Variants in TEX50 observed in about 807,000 individuals in gnomAD.
TEX50 encodes testis-expressed protein 50.
Under a neutral mutation model 9.8 loss-of-function variants are expected in TEX50, and 3 were observed. That is an observed-to-expected ratio of 0.31 (90% confidence interval 0.14 to 0.79). The LOEUF is 0.79. Ranked by LOEUF, TEX50 falls within the 30% of genes least tolerant of loss-of-function variation. The pLI, the probability that TEX50 is intolerant of heterozygous loss-of-function variation, is 0.63. For synonymous variants in TEX50, 61 were observed against 72.1 expected, an observed-to-expected ratio of 0.85 and a Z score of 0.78; for missense variants, 164 against 199.3, an observed-to-expected ratio of 0.82 and a Z score of 1.07.
chr1:173,637,048 T>G lies in TEX50; in HGVS notation c.*12T>G. On this transcript the variant is annotated 3_prime_UTR_variant, in exon 2 of 2. Coordinates refer to ENST00000417563, the MANE Select transcript of TEX50 (RefSeq NM_001195190.3). ...CCAGAAGATACTAAATAAATGCATA[T>G]GCAAATGTAGCTTAGTCAATTATAG... 6.9e-7 allele frequency: 1 copy of G among 1,440,584 alleles called. No individual in the cohort carries two copies. Among genetic ancestry groups the G allele is most frequent in the South Asian group, 1.2e-5 (1 of 81,750 alleles). The allele number at this position is 1,440,584 out of a possible 1,614,324, so 89.2% of individuals were successfully genotyped here. A position where few individuals can be genotyped will look rare whatever the true frequency, so the allele number is the denominator to read the frequency against.
chr1:173,635,982 C>T (rs1355327185), intron 1 of TEX50, 137 bp downstream of exon 1: 2 of 656,766 alleles, frequency 3.0e-6, no homozygotes, highest in Non-Finnish European at 5.1e-6. Context: ...TCATTCCCAG[C>T]ATCTAGCACA....
At position 173,635,397 on chromosome 1, in the gene TEX50, A is replaced by G; in HGVS notation, c.-125A>G. The G allele has an allele frequency of 1.3e-6, 1 of 764,198 alleles. No individual in the cohort carries two copies. 47.3% of individuals were successfully genotyped at this position (764,198 alleles called of 1,614,324 possible). On this transcript the variant is annotated 5_prime_UTR_variant, in exon 1 of 2. Transcript: ENST00000417563. ...TTTTATTGAAGCACCATTTTAACTA[A>G]TAGCTCCTGGTATTTTCTGCTTCCC...
Position 173,635,423 on chromosome 1 carries a change from T to C in TEX50, c.-99T>C. ...TAGCTCCTGGTATTTTCTGCTTCCCTTCGTAGGGAATTTAGTTATTTTATT... is the reference window on the plus strand; with the variant it reads ...TAGCTCCTGGTATTTTCTGCTTCCCCTCGTAGGGAATTTAGTTATTTTATT... On this transcript the variant is annotated 5_prime_UTR_variant, in exon 1 of 2. Coordinates refer to ENST00000417563, the MANE Select transcript of TEX50 (RefSeq NM_001195190.3). 3.2e-6 allele frequency: 3 copies of C among 943,846 alleles called. No individual in the cohort carries two copies. Among genetic ancestry groups the C allele is most frequent in the Admixed American group, 2.9e-5 (1 of 34,248 alleles). 58.5% of individuals were successfully genotyped at this position (943,846 alleles called of 1,614,324 possible).
chr1:173,637,126 C>T lies in TEX50; in HGVS notation c.*90C>T. On this transcript the variant is annotated 3_prime_UTR_variant, in exon 2 of 2. Transcript: ENST00000417563. Reference sequence around the variant, plus strand: ...GGATTAAAAATTGTTCTTTGGAAACCTTTATAAACTTTTTGCCACAATCTT... The same window carrying T: ...GGATTAAAAATTGTTCTTTGGAAACTTTTATAAACTTTTTGCCACAATCTT... 3.1e-6 allele frequency: 3 copies of T among 979,288 alleles called. No homozygotes were observed. Among genetic ancestry groups the T allele is most frequent in the African/African-American group, 3.4e-5 (2 of 59,648 alleles). 60.7% of individuals were successfully genotyped at this position (979,288 alleles called of 1,614,324 possible). A position where few individuals can be genotyped will look rare whatever the true frequency, so the allele number is the denominator to read the frequency against.
Position 173,635,346 on chromosome 1 carries a change from C to A in TEX50, c.-176C>A. The stretch of plus-strand genomic sequence containing the variant: ...TGTATCCTTTGCTGGGCATATTTTG[C>A]TGACTGGCAAGGTTATATGAAGTGC... On this transcript the variant is annotated 5_prime_UTR_variant, in exon 1 of 2. It adds an upstream start codon to the 5' untranslated region. Coordinates refer to ENST00000417563, the MANE Select transcript of TEX50 (RefSeq NM_001195190.3). 1 of 569,486 alleles carries A rather than the reference C, an allele frequency of 1.8e-6. No homozygotes were observed. Among genetic ancestry groups the A allele is most frequent in the Middle Eastern group, 4.6e-4 (1 of 2,172 alleles). The allele number at this position is 569,486 out of a possible 1,614,324, so 35.3% of individuals were successfully genotyped here.
intron 1 of TEX50, among the ~76,000 whole-genome samples, chr1:173,636,342 C>G (rs1488135098): frequency 6.6e-6 from 1 of 152,144 alleles, no homozygotes; most frequent in African/African-American, 2.4e-5. Context: ...TAAACTATTA[C>G]ATAATTTCCC....
intron 1 of TEX50, among the ~76,000 whole-genome samples, chr1:173,636,207 AG>A (rs1481568271): frequency 3.3e-5 from 5 of 152,192 alleles, no homozygotes; most frequent in Non-Finnish European, 4.4e-5. Flanking sequence ...ATCTGTAACA[AG>A]AGATCTCTTA....
intron 1 of TEX50, 56 bp from the exon 2 acceptor site, chr1:173,636,771 G>A (rs537551564): frequency 2.5e-6 from 3 of 1,210,980 alleles, no homozygotes; most frequent in East Asian, 5.1e-5. Context: ...CTATACTATA[G>A]TATTGAACTC....
intron 1 of TEX50, among the ~76,000 whole-genome samples, chr1:173,636,265 T>C (rs1304194669): frequency 1.3e-5 from 2 of 152,172 alleles, no homozygotes; most frequent in African/African-American, 4.8e-5. Flanking sequence ...AAAGGTGTCA[T>C]GTAATTTTTA....
chr1:173,636,448 G>C (rs976153079), intron 1 of TEX50, among the ~76,000 whole-genome samples: 3 of 152,090 alleles, frequency 2.0e-5, no homozygotes. Flanking sequence ...AGAAGAATTA[G>C]ATATTTATAA....
chr1:173,635,551 T>C lies in TEX50; in HGVS notation c.30T>C (p.Phe10=), dbSNP rs1668392082. 6.5e-7 allele frequency: 1 copy of C among 1,532,524 alleles called. No homozygotes were observed. The highest frequency in any genetic ancestry group is 1.4e-5 in the African/African-American group (1 of 72,984). The allele number at this position is 1,532,524 out of a possible 1,614,324, so 94.9% of individuals were successfully genotyped here. The change falls in exon 1 of 2, where the codon TTT becomes TTC. Residue 10 remains phenylalanine, a synonymous_variant. Transcript: ENST00000417563. MSNQRLPLI[F]SLLFICFFGE... is the part of the protein sequence containing the mutation. ...CTAATCAAAGACTACCGCTGATTTT[T>C]TCTCTGTTGTTTATCTGCTTCTTCG...
intron 1 of TEX50, 82 bp downstream of exon 1, chr1:173,635,927 G>A: frequency 9.3e-7 from 1 of 1,080,230 alleles, no homozygotes; most frequent in Non-Finnish European, 1.3e-6. Flanking sequence ...TTGAGAGAGG[G>A]TACCGTGTTT....
chr1:173,635,925 G>C (rs1668418903), intron 1 of TEX50, 80 bp downstream of exon 1: 2 of 1,089,018 alleles, frequency 1.8e-6, no homozygotes, highest in African/African-American at 1.6e-5. Context: ...CTTTGAGAGA[G>C]GGTACCGTGT....
rs1668389073 is a variant in TEX50 at position 173,635,509 on chromosome 1, T to C, written c.-13T>C. ...TAAATTTTAGCTACTTTTTTTTCAATTGACAAAGAAGGATGTCTAATCAAA... is the reference window on the plus strand; with the variant it reads ...TAAATTTTAGCTACTTTTTTTTCAACTGACAAAGAAGGATGTCTAATCAAA... On this transcript the variant is annotated 5_prime_UTR_variant, in exon 1 of 2. Coordinates refer to ENST00000417563, the MANE Select transcript of TEX50 (RefSeq NM_001195190.3). 8 of 1,481,888 alleles carry C rather than the reference T, an allele frequency of 5.4e-6. No individual in the cohort carries two copies. In the East Asian group the frequency reaches 1.2e-4, roughly 23 times the overall value. 91.8% of individuals were successfully genotyped at this position (1,481,888 alleles called of 1,614,324 possible).
chr1:173,636,031 G>A (rs1233112630), intron 1 of TEX50, among the ~76,000 whole-genome samples, 186 bp downstream of exon 1: 1 of 151,992 alleles, frequency 6.6e-6, no homozygotes, highest in Admixed American at 6.6e-5. Flanking sequence ...AATGTGTATT[G>A]AATTAGAAGG....
At chr1:173,636,787 T>C (rs2102341423) in intron 1 of TEX50, 40 bp from the exon 2 acceptor site, 1 of 1,415,120 alleles carries the variant, frequency 7.1e-7, no homozygotes, top group African/African-American at 1.4e-5. Flanking sequence ...AACTCTACTG[T>C]TTTATGTAGA....
Position 173,635,394 on chromosome 1 carries a change from C to G in TEX50, c.-128C>G. ...TGCTTTTATTGAAGCACCATTTTAA[C>G]TAATAGCTCCTGGTATTTTCTGCTT... is the stretch of plus-strand genomic sequence containing the variant. On this transcript the variant is annotated 5_prime_UTR_variant, in exon 1 of 2. Transcript: ENST00000417563. The G allele has an allele frequency of 1.3e-6, 1 of 747,814 alleles. No homozygotes were observed. The highest frequency in any genetic ancestry group is 2.7e-5 in the East Asian group (1 of 36,850). The allele number at this position is 747,814 out of a possible 1,614,324, so 46.3% of individuals were successfully genotyped here. A position where few individuals can be genotyped will look rare whatever the true frequency, so the allele number is the denominator to read the frequency against.
rs1404652953 is a variant in TEX50 at position 173,637,109 on chromosome 1, A to G, written c.*73A>G. 3 of 1,137,422 alleles carry G rather than the reference A, an allele frequency of 2.6e-6. No individual in the cohort carries two copies. The African/African-American group carries it at 4.8e-5, about 18-fold the overall frequency. The allele number at this position is 1,137,422 out of a possible 1,614,324, so 70.5% of individuals were successfully genotyped here. ...AGAAATCTATCATCTAAGGATTAAA[A>G]ATTGTTCTTTGGAAACCTTTATAAA... On this transcript the variant is annotated 3_prime_UTR_variant, in exon 2 of 2. Coordinates refer to ENST00000417563, the MANE Select transcript of TEX50 (RefSeq NM_001195190.3).
At chr1:173,636,403 T>C (rs1341045204) in intron 1 of TEX50, among the ~76,000 whole-genome samples, 1 of 152,182 alleles carries the variant, frequency 6.6e-6, no homozygotes, top group Non-Finnish European at 1.5e-5. Context: ...TAAAAGCTCT[T>C]TGATCAAAAA....
Sources: gnomAD v4.1 joint callset for allele counts (sites outside exome capture counted in the v4.1 genomes callset) on GRCh38, gnomAD v4.1.1 for gene constraint, MANE v1.5 for transcripts, NCBI Gene and HGNC (gene_info 2026-07-23, HGNC 2026-07-21) for gene names.